The following PCDHGA1 variants were observed in gnomAD, a reference collection of about 807,000 sequenced individuals.
The protein encoded by PCDHGA1 is protocadherin gamma-A1.
Under a neutral mutation model 58.0 loss-of-function variants are expected in PCDHGA1, and 32 were observed. The ratio of observed to expected loss-of-function variants is 0.55; its 90% CI spans 0.42 to 0.74. The LOEUF is 0.74. Ranked by LOEUF, PCDHGA1 falls within the 30% of genes least tolerant of loss-of-function variation. PCDHGA1 has a pLI of 0.00. For missense variants in PCDHGA1, 1,205 were observed against 1,182.3 expected (o/e 1.02, Z -0.28); for synonymous variants, 498 against 501.1 (o/e 0.99, Z 0.08).
intron 1 of PCDHGA1, chr5:141,412,044 A>T (rs1403784619): frequency 6.6e-6 from 1 of 152,194 alleles, no homozygotes; most frequent in East Asian, 1.9e-4. Context: ...AAAGAAGTGA[A>T]CTTCTATACC....
chr5:141,432,991 CG>C lies in PCDHGA1; in HGVS notation c.2422-61812del. 1.9e-6 allele frequency: 3 copies of C among 1,614,200 alleles called. No homozygotes were observed. Among genetic ancestry groups the C allele is most frequent in the Non-Finnish European group, 2.5e-6 (3 of 1,180,030 alleles). On this transcript the variant is annotated intron_variant, in intron 1 of 3. Transcript: ENST00000517417. This position sits in a 1 kb window ranked among gnomAD's most constrained non-coding sequence, Gnocchi z 6.0. ...CGGCGTCGCACTTTGTGGGCGTGGACGGGGTGCAGGCTTTCCTGCAGACCTA... is the reference window on the plus strand; with the variant it reads ...CGGCGTCGCACTTTGTGGGCGTGGACGGGTGCAGGCTTTCCTGCAGACCTA...
intron 1 of PCDHGA1, among the ~76,000 whole-genome samples, chr5:141,474,464 T>C (rs373468290): frequency 6.6e-6 from 1 of 152,252 alleles, no homozygotes; most frequent in African/African-American, 2.4e-5. Context: ...CTATACTCTT[T>C]ATTCTAAATT....
rs753266989 is a variant in PCDHGA1, at chr5:141,345,509, C to G, written c.2421+12404C>G. 5.6e-6 allele frequency: 9 copies of G among 1,614,138 alleles called. No homozygotes were observed. The Admixed American group carries it at 6.7e-5, about 12-fold the overall frequency. On this transcript the variant is annotated intron_variant, in intron 1 of 3. Transcript: ENST00000517417. Reference sequence around the variant, plus strand: ...ACGCCCGCATCACTTATGCATTGACCGAGGACACTCTCCAGGGGGCGCCCC... The same window carrying G: ...ACGCCCGCATCACTTATGCATTGACGGAGGACACTCTCCAGGGGGCGCCCC...
intron 1 of PCDHGA1, chr5:141,350,526 G>T: frequency 6.2e-7 from 1 of 1,614,020 alleles, no homozygotes; most frequent in Non-Finnish European, 8.5e-7. Context: ...AGGATAGATC[G>T]AGAGAAGATT....
At chr5:141,452,256 C>T (rs533770410) in intron 1 of PCDHGA1, among the ~76,000 whole-genome samples, 1 of 152,298 alleles carries the variant, frequency 6.6e-6, no homozygotes, top group African/African-American at 2.4e-5. Flanking sequence ...CCATAACTCT[C>T]TCATTTTCTT....
At chr5:141,463,587 T>TA (rs2099064735) in intron 1 of PCDHGA1, among the ~76,000 whole-genome samples, 1 of 152,058 alleles carries the variant, frequency 6.6e-6, no homozygotes, top group East Asian at 1.9e-4. Context: ...TAGCTGGGAC[T>TA]ACAGGTGCCT....
At chr5:141,388,920 A>G in intron 1 of PCDHGA1, 2 of 1,613,996 alleles carry the variant, frequency 1.2e-6, no homozygotes, top group Non-Finnish European at 1.7e-6. Flanking sequence ...CCCAGAAGTG[A>G]TATTCCAGTC....
chr5:141,360,347 A>G, intron 1 of PCDHGA1: 1 of 1,613,970 alleles, frequency 6.2e-7, no homozygotes, highest in Non-Finnish European at 8.5e-7. Flanking sequence ...GTTAGCGCGG[A>G]GAAGGAATAT....
chr5:141,437,938 A>G (rs1042890704), intron 1 of PCDHGA1, among the ~76,000 whole-genome samples: 4 of 152,132 alleles, frequency 2.6e-5, no homozygotes, highest in African/African-American at 9.7e-5. Flanking sequence ...GGGTTTCACC[A>G]TATTGGCCAG....
intron 1 of PCDHGA1, among the ~76,000 whole-genome samples, chr5:141,465,091 G>A (rs1689517062): frequency 6.7e-6 from 1 of 149,016 alleles, no homozygotes; most frequent in Non-Finnish European, 1.5e-5. Context: ...CATTTTTCTA[G>A]TAGTTTTTTT....
At chr5:141,356,305 T>G in intron 1 of PCDHGA1, 1 of 1,554,530 alleles carries the variant, frequency 6.4e-7, no homozygotes, top group Non-Finnish European at 8.7e-7. Context: ...AATTGCACTT[T>G]TCAACGTGCA....
chr5:141,509,765 T>G (rs1312823974), intron 3 of PCDHGA1, among the ~76,000 whole-genome samples: 2 of 152,120 alleles, frequency 1.3e-5, no homozygotes, highest in Non-Finnish European at 1.5e-5. Flanking sequence ...GTCCCTGAGA[T>G]GTCTAGTCCC....
intron 1 of PCDHGA1, among the ~76,000 whole-genome samples, chr5:141,338,453 ATGTT>A (rs1413470150): frequency 1.3e-5 from 2 of 152,230 alleles, no homozygotes; most frequent in African/African-American, 4.8e-5. Flanking sequence ...GAGATGGAAG[ATGTT>A]TGGAGCAAGG....
intron 1 of PCDHGA1, among the ~76,000 whole-genome samples, chr5:141,451,073 C>A (rs1346074089): frequency 6.6e-6 from 1 of 151,958 alleles, no homozygotes; most frequent in Non-Finnish European, 1.5e-5. Flanking sequence ...TGTGATCCAC[C>A]CACCTTGACC....
At chr5:141,389,982 C>T in intron 1 of PCDHGA1, 1 of 1,614,034 alleles carries the variant, frequency 6.2e-7, no homozygotes, top group Non-Finnish European at 8.5e-7. Context: ...GATCTCAGTG[C>T]TCTTCCTCGT....
At position 141,365,064 on chromosome 5, in the gene PCDHGA1, C is replaced by T. The variant is rs779776168; in HGVS notation, c.2421+31959C>T. 5 of 1,613,856 alleles carry T rather than the reference C, an allele frequency of 3.1e-6. No homozygotes were observed. The Middle Eastern group carries it at 6.6e-4, about 213-fold the overall frequency. ...GACAATGCGCCCCTGTTCACCCCAT[C>T]CGAGTACAGCGTGAGTGTTCCAGAG... On this transcript the variant is annotated intron_variant, in intron 1 of 3. Coordinates refer to ENST00000517417, the MANE Select transcript of PCDHGA1 (RefSeq NM_018912.3).
intron 2 of PCDHGA1, among the ~76,000 whole-genome samples, chr5:141,495,936 T>C (rs1329369782): frequency 6.6e-6 from 1 of 152,206 alleles, no homozygotes; most frequent in Non-Finnish European, 1.5e-5. Flanking sequence ...GTCTCTGGTC[T>C]CTGTGCCTGT....
At position 141,345,575 on chromosome 5, in the gene PCDHGA1, A is replaced by G. The variant is rs367782477; in HGVS notation, c.2421+12470A>G. ...CTATCAACTCCAACACTGGCGTCCT[A>G]TACGCGCTGAGATCCTTCGACTACG... is the stretch of plus-strand genomic sequence containing the variant. On this transcript the variant is annotated intron_variant, in intron 1 of 3. Transcript: ENST00000517417. 5.6e-6 allele frequency: 9 copies of G among 1,614,058 alleles called. 1 individual carries two copies. The highest frequency in any genetic ancestry group is 5.3e-5 in the African/African-American group (4 of 74,912).
intron 1 of PCDHGA1, among the ~76,000 whole-genome samples, chr5:141,335,002 A>G (rs1756544823): frequency 6.6e-6 from 1 of 152,252 alleles, no homozygotes; most frequent in Middle Eastern, 3.2e-3. Flanking sequence ...ATTTATTGTT[A>G]CTAGTGAGAA....
Sources: allele counts gnomAD v4.1 joint callset (sites outside exome capture counted in the v4.1 genomes callset), GRCh38; gene constraint gnomAD v4.1.1; non-coding constraint Gnocchi (gnomAD v3.1); transcripts MANE v1.5; gene names NCBI Gene and HGNC (gene_info 2026-07-23, HGNC 2026-07-21).